PCNX3: variants seen among roughly 807,000 people sequenced by gnomAD.
PCNX3 encodes the protein pecanex 3, also known as pecanex-like protein 3.
Under a neutral mutation model 207.2 loss-of-function variants are expected in PCNX3, and 58 were observed. The ratio of observed to expected loss-of-function variants is 0.28; its 90% CI spans 0.23 to 0.35. The LOEUF is 0.35. Ranked by LOEUF, PCNX3 falls within the 10% of genes least tolerant of loss-of-function variation. The pLI, the probability that PCNX3 is intolerant of heterozygous loss-of-function variation, is 1.00. For synonymous variants in PCNX3, 1,337 were observed against 1,183.5 expected, an observed-to-expected ratio of 1.13 and a Z score of -2.66; for missense variants, 2,410 against 2,774.4, an observed-to-expected ratio of 0.87 and a Z score of 2.95.
chr11:65,635,838 G>T lies in PCNX3; in HGVS notation c.5459+35G>T. ...CGGGAAGGGGTGACGTGTGGCGCGG[G>T]AGGAAGCTGAGGTGCAGTACGTCCC... On this transcript the variant is annotated intron_variant, in intron 32 of 34. Coordinates refer to ENST00000355703, the MANE Select transcript of PCNX3 (RefSeq NM_032223.4). The surrounding 1 kb of genome is among the most constrained non-coding windows in gnomAD (Gnocchi z 9.9). 6.3e-7 allele frequency: 1 copy of T among 1,575,722 alleles called. No individual in the cohort carries two copies. Among genetic ancestry groups the T allele is most frequent in the Admixed American group, 1.8e-5 (1 of 55,446 alleles).
intron 26 of PCNX3, 112 bp downstream of exon 26, chr11:65,629,847 G>A (rs1316784116): frequency 8.2e-7 from 1 of 1,212,240 alleles, no homozygotes; most frequent in Non-Finnish European, 1.2e-6. Context: ...CAGGCTGGCG[G>A]GTGGCCTTGG....
chr11:65,619,028 T>C lies in PCNX3; in HGVS notation c.1666T>C (p.Trp556Arg), dbSNP rs1173419071. The C allele has an allele frequency of 1.3e-6, 2 of 1,592,756 alleles. No individual in the cohort carries two copies. Among genetic ancestry groups the C allele is most frequent in the Admixed American group, 3.4e-5 (2 of 59,316 alleles). Residue 556 changes from tryptophan (W) to arginine (R), a missense_variant, in exon 6 of 35, where the codon TGG (tryptophan) becomes CGG (arginine). Physicochemically the swap from Trp to Arg is moderately radical, Grantham distance 101 (BLOSUM62 -3). Coordinates refer to ENST00000355703, the MANE Select transcript of PCNX3 (RefSeq NM_032223.4). ...RRGPAANQPG[W>R]RGELQEEGAV... ...GGGACCCGCTGCCAACCAGCCCGGC[T>C]GGCGGGGGGAGCTGCAGGAGGAAGG...
Position 65,625,928 on chromosome 11 carries a change from G to A in PCNX3, c.3253G>A (p.Ala1085Thr), listed in dbSNP as rs909416226. 25 of 1,613,666 alleles carry A rather than the reference G, an allele frequency of 1.5e-5. No homozygotes were observed. The East Asian group carries it at 1.6e-4, about 10-fold the overall frequency. The change falls in exon 20 of 35, where the codon GCA (alanine) becomes ACA (threonine). Residue 1085 changes from alanine (A) to threonine (T), a missense_variant. Physicochemically the swap from Ala to Thr is moderately conservative, Grantham distance 58. Transcript: ENST00000355703. This position sits in a 1 kb window ranked among gnomAD's most constrained non-coding sequence, Gnocchi z 5.6. The part of the protein sequence containing the change: ...LKSVLGFVLY[A>T]LAGAVGFFTH... ...GTCGGTGCTGGGTTTCGTGTTGTACGCACTGGCTGGGGCCGTGGGCTTCTT... is the reference window on the plus strand; with the variant it reads ...GTCGGTGCTGGGTTTCGTGTTGTACACACTGGCTGGGGCCGTGGGCTTCTT...
In PCNX3 at chr11:65,618,014, T is replaced by A. The variant is rs1253020378; in HGVS notation, c.652T>A (p.Ser218Thr). The A allele has an allele frequency of 6.2e-7, 1 of 1,610,084 alleles. No homozygotes were observed. Among genetic ancestry groups the A allele is most frequent in the East Asian group, 2.2e-5 (1 of 44,818 alleles). The change falls in exon 6 of 35, where the codon TCT becomes ACT. Residue 218 changes from serine to threonine, a missense_variant. Transcript: ENST00000355703. ...TGCCAGTACAGACTCTTCAGAGCCTTCTCCCCTGGCTGGAGATGGAGCGCC... is the reference window on the plus strand; with the variant it reads ...TGCCAGTACAGACTCTTCAGAGCCTACTCCCCTGGCTGGAGATGGAGCGCC... ...SLASTDSSEP[S>T]PLAGDGAPWS... is the part of the protein sequence containing the mutation.
rs760531381 is a variant in PCNX3, at chr11:65,627,591, G to A, written c.3702+9G>A. 4.0e-5 allele frequency: 65 copies of A among 1,613,414 alleles called. No homozygotes were observed. Among genetic ancestry groups the A allele is most frequent in the Non-Finnish European group, 2.5e-5 (29 of 1,179,700 alleles). ...CCCTGCTTTGCAGCAAGGTGAGTTGGTGGCTGTGGCCCAGACCCCAGGCTG... is the reference window on the plus strand; with the variant it reads ...CCCTGCTTTGCAGCAAGGTGAGTTGATGGCTGTGGCCCAGACCCCAGGCTG... On this transcript the variant is annotated intron_variant, in intron 22 of 34. Transcript: ENST00000355703.
Position 65,625,071 on chromosome 11 carries a change from C to T in PCNX3, c.2919+55C>T, listed in dbSNP as rs1181448306. The T allele has an allele frequency of 6.4e-6, 10 of 1,574,080 alleles. No individual in the cohort carries two copies. Among genetic ancestry groups the T allele is most frequent in the Admixed American group, 5.3e-5 (3 of 56,932 alleles). On this transcript the variant is annotated intron_variant, in intron 16 of 34. Transcript: ENST00000355703. The surrounding 1 kb of genome is among the most constrained non-coding windows in gnomAD (Gnocchi z 5.6). The stretch of plus-strand genomic sequence containing the variant: ...CTGCAGTGCGTAAGGGTGGTTGGGG[C>T]GGGGCTGTGAACTGGGCTCAGCAGT...
At position 65,619,826 on chromosome 11, in the gene PCNX3, T is replaced by C. The variant is rs1431818733; in HGVS notation, c.1902T>C (p.His634=). The C allele has an allele frequency of 6.2e-7, 1 of 1,604,540 alleles. No individual in the cohort carries two copies. The highest frequency in any genetic ancestry group is 1.3e-5 in the African/African-American group (1 of 74,886). ...SRALTLPSAL[H]FASSLLLTRA... ...CGCTGACGCTGCCCTCTGCGCTGCA[T>C]TTCGCCTCTTCACTGTTGCTCACCC... Residue 634 remains histidine (H), a synonymous_variant, in exon 8 of 35, where the codon CAT becomes CAC. Transcript: ENST00000355703.
chr11:65,624,320 G>T lies in PCNX3; in HGVS notation c.2670G>T (p.Thr890=). Reference sequence around the variant, plus strand: ...CACCTGTCTCCCTCTACGGCCTCACGCTCTTCTCTGCCTCCTTCTTCTTCT... The same window carrying T: ...CACCTGTCTCCCTCTACGGCCTCACTCTCTTCTCTGCCTCCTTCTTCTTCT... ...PFPPVSLYGL[T]LFSASFFFCA... Residue 890 remains threonine, a synonymous_variant, in exon 14 of 35, where the codon ACG becomes ACT. Transcript: ENST00000355703. 1 of 1,564,616 alleles carries T rather than the reference G, an allele frequency of 6.4e-7. No individual in the cohort carries two copies. The highest frequency in any genetic ancestry group is 8.7e-7 in the Non-Finnish European group (1 of 1,154,214).
intron 2 of PCNX3, 74 bp from the exon 3 acceptor site, chr11:65,617,176 G>T: frequency 1.4e-6 from 2 of 1,455,338 alleles, no homozygotes; most frequent in South Asian, 1.2e-5. Flanking sequence ...AAAAGAAGCA[G>T]TGACAAAGAT....
chr11:65,622,672 T>C (rs1240154329), intron 11 of PCNX3, among the ~76,000 whole-genome samples: 1 of 152,194 alleles, frequency 6.6e-6, no homozygotes, highest in Non-Finnish European at 1.5e-5. Context: ...CTCGGCTCAC[T>C]GCAAGCTCCG....
rs1319751089 is a variant in PCNX3, at chr11:65,616,951, G to A, written c.281G>A (p.Arg94His). The change falls in exon 2 of 35, where the codon CGC (arginine) becomes CAC (histidine). Residue 94 changes from arginine to histidine, a missense_variant. Physicochemically the swap from Arg to His is conservative, Grantham distance 29. Around this residue, in one of 8 missense-constraint regions of PCNX3, gnomAD observed 1,104 missense variants for 970.3 expected, o/e 1.14. Transcript: ENST00000355703. ...GACCAGGGCGAGATCGTGGAGAAGC[G>A]CAGCTCTACCATGGGGGAGCTGGAG... ...MFDQGEIVEK[R>H]SSTMGELEEE... The A allele has an allele frequency of 3.1e-6, 5 of 1,613,328 alleles. No individual in the cohort carries two copies. The highest frequency in any genetic ancestry group is 1.7e-5 in the Admixed American group (1 of 60,012).
chr11:65,618,740 G>A lies in PCNX3; in HGVS notation c.1378G>A (p.Gly460Ser). The A allele has an allele frequency of 1.2e-6, 2 of 1,612,196 alleles. No homozygotes were observed. The highest frequency in any genetic ancestry group is 1.6e-4 in the Middle Eastern group (1 of 6,062). ...CTGCTACTCCCCTGAGAGCTCCCGG[G>A]GTGCAGCAGGGGGACCCCGGAAGCG... ...TSCYSPESSRGAAGGPRKRRA... is the reference protein window; with the variant it reads ...TSCYSPESSRSAAGGPRKRRA... The change falls in exon 6 of 35, where the codon GGT becomes AGT. Residue 460 changes from glycine (G) to serine (S), a missense_variant. Gly to Ser is a moderately conservative substitution (Grantham distance 56). This residue lies in a region of PCNX3 where 1,104 missense variants were observed against 970.3 expected (regional missense o/e 1.14). Transcript: ENST00000355703.
intron 8 of PCNX3, 150 bp downstream of exon 8, chr11:65,620,082 GTC>G (rs1173443398): frequency 2.1e-6 from 2 of 954,490 alleles, no homozygotes; most frequent in Non-Finnish European, 3.0e-6. Flanking sequence ...GAGGCACGGT[GTC>G]TCTGTCATCT....
Position 65,616,865 on chromosome 11 carries a change from C to G in PCNX3, c.195C>G (p.Leu65=), listed in dbSNP as rs764521062. ...TGATGGTGGCCGGCGTGTACTGCCTCGTGGTGGCTGTCATCTTTGCTACTA... is the reference window on the plus strand; with the variant it reads ...TGATGGTGGCCGGCGTGTACTGCCTGGTGGTGGCTGTCATCTTTGCTACTA... ...PSLMVAGVYC[L]VVAVIFATIK... Residue 65 remains leucine (L), a synonymous_variant, in exon 2 of 35, where the codon CTC becomes CTG. Transcript: ENST00000355703. 3 of 1,613,652 alleles carry G rather than the reference C, an allele frequency of 1.9e-6. No homozygotes were observed. The highest frequency in any genetic ancestry group is 1.7e-5 in the Admixed American group (1 of 60,022).
chr11:65,616,899 G>C lies in PCNX3; in HGVS notation c.229G>C (p.Val77Leu). 5 of 1,613,680 alleles carry C rather than the reference G, an allele frequency of 3.1e-6. No individual in the cohort carries two copies. The highest frequency in any genetic ancestry group is 4.2e-6 in the Non-Finnish European group (5 of 1,179,864). Reference sequence around the variant, plus strand: ...TGTCATCTTTGCTACTATCAAGACTGTCAATTATCGGCTTCATGCCATGTT... The same window carrying C: ...TGTCATCTTTGCTACTATCAAGACTCTCAATTATCGGCTTCATGCCATGTT... ...VAVIFATIKTVNYRLHAMFDQ... is the reference protein window; with the variant it reads ...VAVIFATIKTLNYRLHAMFDQ... Residue 77 changes from valine (V) to leucine (L), a missense_variant, in exon 2 of 35, where the codon GTC becomes CTC. This residue lies in a region of PCNX3 where 1,104 missense variants were observed against 970.3 expected (regional missense o/e 1.14). Coordinates refer to ENST00000355703, the MANE Select transcript of PCNX3 (RefSeq NM_032223.4).
chr11:65,630,611 T>C lies in PCNX3; in HGVS notation c.4470+7T>C. ...CATCACCTACTATGTCAAGGTACGG[T>C]GGGCAGGTGTGGCCGGGCAGCAGGG... On this transcript the variant is annotated splice_region_variant and intron_variant, in intron 27 of 34. Transcript: ENST00000355703. 1.9e-6 allele frequency: 3 copies of C among 1,602,278 alleles called. No individual in the cohort carries two copies. Among genetic ancestry groups the C allele is most frequent in the South Asian group, 1.1e-5 (1 of 90,850 alleles).
At position 65,629,683 on chromosome 11, in the gene PCNX3, C is replaced by A; in HGVS notation, c.4164C>A (p.Ile1388=). The A allele has an allele frequency of 6.4e-7, 1 of 1,566,404 alleles. No individual in the cohort carries two copies. Among genetic ancestry groups the A allele is most frequent in the Non-Finnish European group, 8.7e-7 (1 of 1,155,798 alleles). ...SDYLNALVHL[I]EVGNGLVTFQ... is the part of the protein sequence containing the mutation. The stretch of plus-strand genomic sequence containing the variant: ...ACCTCAACGCCCTGGTGCACCTCAT[C>A]GAGGTTGGCAATGGCCTCGTCACCT... Residue 1388 remains isoleucine, a synonymous_variant, in exon 26 of 35, where the codon ATC becomes ATA. Transcript: ENST00000355703.
Position 65,618,656 on chromosome 11 carries a change from C to G in PCNX3, c.1294C>G (p.Pro432Ala). Residue 432 changes from proline (P) to alanine (A), a missense_variant, in exon 6 of 35, where the codon CCG becomes GCG. Pro to Ala is a conservative substitution (Grantham distance 27, BLOSUM62 -1). Coordinates refer to ENST00000355703, the MANE Select transcript of PCNX3 (RefSeq NM_032223.4). ...EDTSEGSELS[P>A]ASSLRSQRRY... ...CACTAGTGAGGGCAGTGAACTGAGC[C>G]CGGCCTCCAGTCTCCGATCGCAGCG... 6.2e-7 allele frequency: 1 copy of G among 1,613,166 alleles called. No homozygotes were observed. Among genetic ancestry groups the G allele is most frequent in the Non-Finnish European group, 8.5e-7 (1 of 1,179,832 alleles).
chr11:65,625,820 C>G lies in PCNX3; in HGVS notation c.3228+76C>G. On this transcript the variant is annotated intron_variant, in intron 19 of 34. Coordinates refer to ENST00000355703, the MANE Select transcript of PCNX3 (RefSeq NM_032223.4). This position sits in a 1 kb window ranked among gnomAD's most constrained non-coding sequence, Gnocchi z 5.6. ...GCTCAATCTGAGTGCCGTGGGCAGC[C>G]CCTCCCCGGCCTGTGCCAGGTGGCC... The G allele has an allele frequency of 1.9e-6, 3 of 1,595,214 alleles. No homozygotes were observed. Among genetic ancestry groups the G allele is most frequent in the Non-Finnish European group, 2.6e-6 (3 of 1,170,640 alleles).
Sources: gnomAD v4.1 joint callset for allele counts (sites outside exome capture counted in the v4.1 genomes callset) on GRCh38, gnomAD v4.1.1 for gene constraint, gnomAD v4.1.1 regional missense constraint, Gnocchi (gnomAD v3.1) non-coding constraint, MANE v1.5 for transcripts, NCBI Gene and HGNC (gene_info 2026-07-23, HGNC 2026-07-21) for gene names.